KDM4C: variants seen among roughly 807,000 people sequenced by gnomAD.
The protein encoded by KDM4C is lysine-specific demethylase 4C.
Under a neutral mutation model 129.3 loss-of-function variants are expected in KDM4C, and 81 were observed. The ratio of observed to expected loss-of-function variants is 0.63; its 90% confidence interval spans 0.52 to 0.75. The LOEUF (loss-of-function observed/expected upper bound fraction) is 0.75. KDM4C is among the 30% of genes least tolerant of loss of function. The pLI is 0.00. For missense variants in KDM4C, 1,457 were observed against 1,304.0 expected (o/e 1.12, Z -1.81); for synonymous variants, 573 against 456.1 (o/e 1.26, Z -3.26).
chr9:7,027,716 C>A (rs767706158), intron 15 of KDM4C, among the ~76,000 whole-genome samples: 4 of 152,178 alleles, frequency 2.6e-5, no homozygotes, highest in Non-Finnish European at 4.4e-5. Flanking sequence ...TACTGAGGTA[C>A]CATCCAGGAG....
intron 8 of KDM4C, among the ~76,000 whole-genome samples, chr9:6,938,720 T>C (rs1825270020): frequency 6.6e-6 from 1 of 152,322 alleles, no homozygotes. Flanking sequence ...TTCTGTTGTG[T>C]AACTTCAAAT....
chr9:7,100,339 AT>A (rs970693661), intron 17 of KDM4C, among the ~76,000 whole-genome samples: 9 of 151,310 alleles, frequency 5.9e-5, no homozygotes, highest in Admixed American at 3.3e-4. Flanking sequence ...ATGCATAAAG[AT>A]TTTTTTTTCC....
intron 4 of KDM4C, among the ~76,000 whole-genome samples, chr9:6,846,478 GT>G (rs997781552): frequency 6.6e-6 from 1 of 152,158 alleles, no homozygotes; most frequent in Admixed American, 6.5e-5. Flanking sequence ...TGTGGAGCCT[GT>G]TTTTGGAGTC....
chr9:6,760,108 C>G lies in KDM4C; in HGVS notation c.-18+1905C>G, dbSNP rs569157451. On this transcript the variant is annotated intron_variant, in intron 1 of 21. Coordinates refer to ENST00000381309, the MANE Select transcript of KDM4C (RefSeq NM_015061.6). ...TTAGCTGTCATTGCCTAGTTCCCTCCAATTCTATCCCCTTCTGTCCCTAGG... is the reference window on the plus strand; with the variant it reads ...TTAGCTGTCATTGCCTAGTTCCCTCGAATTCTATCCCCTTCTGTCCCTAGG... 4.6e-5 allele frequency among the ~76,000 whole-genome samples: 7 copies of G among 152,122 alleles called. No individual in the cohort carries two copies. In the South Asian group the frequency reaches 1.4e-3, roughly 31 times the overall value.
intron 17 of KDM4C, among the ~76,000 whole-genome samples, chr9:7,074,792 T>C (rs916723550): frequency 6.6e-6 from 1 of 152,214 alleles, no homozygotes; most frequent in African/African-American, 2.4e-5. Context: ...ATCACTAAGA[T>C]AATGAGTGAG....
chr9:7,083,934 G>C (rs1219812217), intron 17 of KDM4C, among the ~76,000 whole-genome samples: 1 of 152,102 alleles, frequency 6.6e-6, no homozygotes, highest in Non-Finnish European at 1.5e-5. Context: ...ACATTATATA[G>C]AGAGAGGACA....
At chr9:6,792,238 G>A (rs1189477052) in intron 1 of KDM4C, among the ~76,000 whole-genome samples, 1 of 151,784 alleles carries the variant, frequency 6.6e-6, no homozygotes, top group African/African-American at 2.4e-5. Flanking sequence ...AGCTACTGGG[G>A]AGGCTGAGGC....
Position 6,849,626 on chromosome 9 carries a change from C to G in KDM4C, c.555C>G (p.Thr185=). The change falls in exon 5 of 22, where the codon ACC becomes ACG. Residue 185 remains threonine, a synonymous_variant. Coordinates refer to ENST00000381309, the MANE Select transcript of KDM4C (RefSeq NM_015061.6). Reference sequence around the variant, plus strand: ...ATCTCTATTTTGGCATGTGGAAGACCACGTTTGCATGGCACACCGAAGACA... The same window carrying G: ...ATCTCTATTTTGGCATGTGGAAGACGACGTTTGCATGGCACACCGAAGACA... ...TPYLYFGMWK[T]TFAWHTEDMD... 1 of 1,613,408 alleles carries G rather than the reference C, an allele frequency of 6.2e-7. No homozygotes were observed. Among genetic ancestry groups the G allele is most frequent in the Non-Finnish European group, 8.5e-7 (1 of 1,179,626 alleles).
chr9:6,781,001 C>G (rs1824220767), intron 1 of KDM4C, among the ~76,000 whole-genome samples: 1 of 151,610 alleles, frequency 6.6e-6, no homozygotes. Flanking sequence ...CTCTTTCCTT[C>G]TCTCATTTTC....
intron 1 of KDM4C, among the ~76,000 whole-genome samples, chr9:6,762,413 C>G (rs1028741267): frequency 6.6e-6 from 1 of 151,764 alleles, no homozygotes; most frequent in Admixed American, 6.6e-5. Flanking sequence ...CTCAAGTGAT[C>G]CTTCTGACTT....
chr9:6,732,371 A>T (rs1404420882), intron 1 of KDM4C, among the ~76,000 whole-genome samples: 11 of 61,936 alleles, frequency 1.8e-4, no homozygotes, highest in Middle Eastern at 7.4e-3. Flanking sequence ...TCTCAAAAAA[A>T]AAAAAAAAAA....
chr9:6,927,793 T>A (rs1026643930), intron 8 of KDM4C, among the ~76,000 whole-genome samples: 2 of 152,220 alleles, frequency 1.3e-5, no homozygotes, highest in South Asian at 4.1e-4. Flanking sequence ...TAGCATTGTG[T>A]CTCACCAATT....
At chr9:7,095,197 G>T (rs977972070) in intron 17 of KDM4C, among the ~76,000 whole-genome samples, 1 of 152,180 alleles carries the variant, frequency 6.6e-6, no homozygotes, top group Non-Finnish European at 1.5e-5. Flanking sequence ...TACCTTTACT[G>T]TTCCACCCCG....
At chr9:6,852,560 C>T (rs931916862) in intron 5 of KDM4C, among the ~76,000 whole-genome samples, 1 of 152,208 alleles carries the variant, frequency 6.6e-6, no homozygotes, top group Non-Finnish European at 1.5e-5. Flanking sequence ...TGTGCACCAG[C>T]GTCCTCTTCT....
At chr9:6,854,714 C>T (rs1449235630) in intron 5 of KDM4C, among the ~76,000 whole-genome samples, 1 of 152,090 alleles carries the variant, frequency 6.6e-6, no homozygotes, top group East Asian at 1.9e-4. Flanking sequence ...AAATTTCATT[C>T]AGTAAACTGA....
intron 8 of KDM4C, among the ~76,000 whole-genome samples, chr9:6,974,512 C>A (rs1473585100): frequency 6.6e-6 from 1 of 152,182 alleles, no homozygotes; most frequent in Non-Finnish European, 1.5e-5. Context: ...CATGTGCCAC[C>A]ATGCCTGAGT....
intron 15 of KDM4C, among the ~76,000 whole-genome samples, chr9:7,029,614 A>C (rs1227105401): frequency 6.6e-6 from 1 of 152,112 alleles, no homozygotes; most frequent in South Asian, 2.1e-4. Context: ...ATTAATAAAC[A>C]AAAAGGAATG....
chr9:6,888,420 TG>T (rs1435663677), intron 7 of KDM4C, among the ~76,000 whole-genome samples: 1 of 152,216 alleles, frequency 6.6e-6, no homozygotes, highest in Non-Finnish European at 1.5e-5. Context: ...TTATTAGCAA[TG>T]GGTTGCTTAG....
At chr9:6,963,201 A>G (rs1037458595) in intron 8 of KDM4C, among the ~76,000 whole-genome samples, 1 of 152,256 alleles carries the variant, frequency 6.6e-6, no homozygotes, top group African/African-American at 2.4e-5. Context: ...TAAAGTGATT[A>G]AAAAAGTGAT....
Sources: gnomAD v4.1 joint callset for allele counts (sites outside exome capture counted in the v4.1 genomes callset) on GRCh38, gnomAD v4.1.1 for gene constraint, MANE v1.5 for transcripts, NCBI Gene and HGNC (gene_info 2026-07-23, HGNC 2026-07-21) for gene names.